RASA3: variants seen among roughly 807,000 people sequenced by gnomAD.
RASA3 encodes the protein ras GTPase-activating protein 3.
A neutral mutation model predicts 110.0 loss-of-function variants in RASA3; 73 were observed. The observed-to-expected ratio is 0.66, with a 90% confidence interval of 0.55 to 0.81. The LOEUF is 0.81. Among genes scored for constraint, RASA3 ranks in the 30% least tolerant of loss-of-function variants. RASA3 has a pLI of 0.00. For missense variants in RASA3, 976 were observed against 1,113.2 expected (o/e 0.88, Z 1.75); for synonymous variants, 500 against 451.4 (o/e 1.11, Z -1.37).
chr13:114,059,335 C>T (rs549890977), intron 2 of RASA3, among the ~76,000 whole-genome samples: 91 of 152,304 alleles, frequency 6.0e-4, no homozygotes, highest in African/African-American at 2.0e-3. Context: ...GCCAAGGGGA[C>T]GTTGGTCTCC....
At chr13:114,061,742 G>C (rs1030111401) in intron 2 of RASA3, among the ~76,000 whole-genome samples, 1 of 152,048 alleles carries the variant, frequency 6.6e-6, no homozygotes, top group African/African-American at 2.4e-5. Flanking sequence ...TAGCCATGGA[G>C]TCTAACACGA....
rs12430220 is a variant in RASA3, at chr13:114,001,261, C to T, written c.1743-329G>A. Reference sequence around the variant, plus strand: ...GATGCTCCCACGGCGGACCTGCGGCCGTGGGCTCAGGGTCAGGGAGGGCAG... The same window carrying T: ...GATGCTCCCACGGCGGACCTGCGGCTGTGGGCTCAGGGTCAGGGAGGGCAG... On this transcript the variant is annotated intron_variant, in intron 18 of 23. Coordinates refer to ENST00000334062, the MANE Select transcript of RASA3 (RefSeq NM_007368.4). Among the ~76,000 whole-genome samples the T allele has an allele frequency of 3.5e-3, 526 of 152,338 alleles. 6 individuals carry two copies. Among genetic ancestry groups the T allele is most frequent in the Admixed American group, 0.011 (174 of 15,312 alleles).
At chr13:114,091,292 T>C (rs1225763676) in intron 1 of RASA3, among the ~76,000 whole-genome samples, 1 of 152,026 alleles carries the variant, frequency 6.6e-6, no homozygotes, top group Non-Finnish European at 1.5e-5. Context: ...TGAGGTCGTG[T>C]CCCAGATTTC....
chr13:113,979,538 C>CA lies in RASA3; in HGVS notation c.2430-117dup. ...TGACACACTCACACTGCAATCCACA[C>CA]AAAAAATAGAGGAGCCAAAGGAACC... On this transcript the variant is annotated intron_variant, in intron 23 of 23. Transcript: ENST00000334062. The CA allele has an allele frequency of 8.3e-6, 7 of 843,086 alleles. No individual in the cohort carries two copies. In the South Asian group the frequency reaches 1.0e-4, roughly 12 times the overall value. The allele number at this position is 843,086 out of a possible 1,614,324, so 52.2% of individuals were successfully genotyped here.
At chr13:114,128,893 C>G (rs973815588) in intron 1 of RASA3, among the ~76,000 whole-genome samples, 15 of 151,962 alleles carry the variant, frequency 9.9e-5, no homozygotes, top group African/African-American at 3.1e-4. Flanking sequence ...CACCGCGGTG[C>G]GAGAGCCTTT....
chr13:114,116,574 A>G (rs1332221575), intron 1 of RASA3, among the ~76,000 whole-genome samples: 1 of 152,124 alleles, frequency 6.6e-6, no homozygotes, highest in East Asian at 1.9e-4. Context: ...ATTTATTTGT[A>G]ATGATAAAAG....
At chr13:114,042,599 T>A (rs9525349) in intron 3 of RASA3, among the ~76,000 whole-genome samples, 2 of 152,146 alleles carry the variant, frequency 1.3e-5, no homozygotes, top group Non-Finnish European at 2.9e-5. Context: ...GTGCATGACC[T>A]GGGCTCCCGG....
intron 1 of RASA3, among the ~76,000 whole-genome samples, chr13:114,118,525 C>T (rs2080325892): frequency 6.6e-6 from 1 of 152,238 alleles, no homozygotes. Flanking sequence ...CTAATAAACA[C>T]ACCAGTTAAG....
intron 2 of RASA3, among the ~76,000 whole-genome samples, chr13:114,054,882 C>T (rs568435144): frequency 1.3e-5 from 2 of 152,248 alleles, no homozygotes; most frequent in Non-Finnish European, 2.9e-5. Flanking sequence ...TGATCTCCTG[C>T]GTCTGCGTGG....
At chr13:114,055,088 G>A (rs894871416) in intron 2 of RASA3, among the ~76,000 whole-genome samples, 3 of 152,140 alleles carry the variant, frequency 2.0e-5, no homozygotes, top group Admixed American at 6.5e-5. Flanking sequence ...GTTTGTGTGT[G>A]CATGTGTGTG....
chr13:114,108,123 C>G (rs1029648038), intron 1 of RASA3, among the ~76,000 whole-genome samples: 1 of 152,036 alleles, frequency 6.6e-6, no homozygotes, highest in Admixed American at 6.6e-5. Context: ...CAGGCAGGAG[C>G]GACCAGTGCT....
At chr13:114,072,616 C>T (rs531984051) in intron 2 of RASA3, among the ~76,000 whole-genome samples, 61 of 152,310 alleles carry the variant, frequency 4.0e-4, no homozygotes, top group South Asian at 8.3e-4. Context: ...TGCGAGTCCA[C>T]GCAGGGGGAC....
chr13:114,024,139 T>C, intron 8 of RASA3, 140 bp downstream of exon 8: 1 of 915,380 alleles, frequency 1.1e-6, no homozygotes, highest in Non-Finnish European at 1.7e-6. Context: ...CTACAACTTC[T>C]AACATCCTGT....
chr13:114,055,940 C>A (rs563882277), intron 2 of RASA3, among the ~76,000 whole-genome samples: 1 of 152,222 alleles, frequency 6.6e-6, no homozygotes, highest in Non-Finnish European at 1.5e-5. Flanking sequence ...ACCTCAGAAC[C>A]ACCGGCACCG....
At chr13:113,998,518 C>A (rs1381536252) in intron 20 of RASA3, among the ~76,000 whole-genome samples, 1 of 152,226 alleles carries the variant, frequency 6.6e-6, no homozygotes, top group African/African-American at 2.4e-5. Flanking sequence ...TTGTCCCAGC[C>A]AGCATGTGTC....
At chr13:114,102,970 A>G (rs1421055447) in intron 1 of RASA3, among the ~76,000 whole-genome samples, 1 of 151,790 alleles carries the variant, frequency 6.6e-6, no homozygotes, top group Non-Finnish European at 1.5e-5. Flanking sequence ...GGGTCCCTGA[A>G]CCAAACCACC....
Position 113,979,264 on chromosome 13 carries a change from C to T in RASA3, c.*83G>A, listed in dbSNP as rs907510089. ...CGTGCATCTCACTTTGCCGGCTCTG[C>T]GCTCTTCCTTCTCTTCTCCCTCCCA... is the stretch of plus-strand genomic sequence containing the variant. On this transcript the variant is annotated 3_prime_UTR_variant, in exon 24 of 24. Coordinates refer to ENST00000334062, the MANE Select transcript of RASA3 (RefSeq NM_007368.4). 27 of 1,341,158 alleles carry T rather than the reference C, an allele frequency of 2.0e-5. No individual in the cohort carries two copies. The highest frequency in any genetic ancestry group is 8.7e-5 in the African/African-American group (6 of 69,286). The allele number at this position is 1,341,158 out of a possible 1,614,324, so 83.1% of individuals were successfully genotyped here.
chr13:114,039,770 A>G (rs2054358242), intron 4 of RASA3, among the ~76,000 whole-genome samples: 1 of 152,210 alleles, frequency 6.6e-6, no homozygotes, highest in Non-Finnish European at 1.5e-5. Context: ...TGTGAACACA[A>G]GGGTCTGGGA....
chr13:114,021,759 G>A (rs966576357), intron 8 of RASA3, among the ~76,000 whole-genome samples: 1 of 152,190 alleles, frequency 6.6e-6, no homozygotes, highest in African/African-American at 2.4e-5. Context: ...CCCGGACTCA[G>A]ACCCAGGCTC....
Sources: gnomAD v4.1 joint callset for allele counts (sites outside exome capture counted in the v4.1 genomes callset) on GRCh38, gnomAD v4.1.1 for gene constraint, MANE v1.5 for transcripts, NCBI Gene and HGNC (gene_info 2026-07-23, HGNC 2026-07-21) for gene names.